The following KMT2A variants were observed in gnomAD, a reference collection of about 807,000 sequenced individuals.
KMT2A encodes lysine methyltransferase 2A.
Under a neutral mutation model 345.3 loss-of-function variants are expected in KMT2A, and 16 were observed. That is an observed-to-expected ratio of 0.05 (90% CI 0.03 to 0.07). The LOEUF is 0.07. KMT2A is among the 10% of genes least tolerant of loss of function. KMT2A has a pLI of 1.00. For synonymous variants in KMT2A, 1,599 were observed against 1,778.6 expected, an observed-to-expected ratio of 0.90 and a Z score of 2.54; for missense variants, 3,272 against 4,841.6, an observed-to-expected ratio of 0.68 and a Z score of 9.62.
chr11:118,520,557 A>G lies in KMT2A; in HGVS notation c.11430-245A>G. ...TCCCACCTACTCAGCAGGCTGAGGC[A>G]AGAGAATCGCTTGAACCCAGGAGGC... On this transcript the variant is annotated intron_variant, in intron 33 of 35. Transcript: ENST00000534358. The surrounding 1 kb of genome is among the most constrained non-coding windows in gnomAD (Gnocchi z 4.3). 1 of 499,322 alleles carries G rather than the reference A, an allele frequency of 2.0e-6. No individual in the cohort carries two copies. Among genetic ancestry groups the G allele is most frequent in the Non-Finnish European group, 3.6e-6 (1 of 276,086 alleles). 30.9% of individuals were successfully genotyped at this position (499,322 alleles called of 1,614,324 possible).
chr11:118,507,485 T>G (rs1306818271), intron 27 of KMT2A, 44 bp from the exon 28 acceptor site: 1 of 1,538,024 alleles, frequency 6.5e-7, no homozygotes, highest in Admixed American at 1.7e-5. Context: ...AGTACATATT[T>G]ACTGGTGGTT....
intron 1 of KMT2A, among the ~76,000 whole-genome samples, chr11:118,453,792 T>C (rs1464826247): frequency 6.6e-6 from 1 of 152,224 alleles, no homozygotes; most frequent in East Asian, 1.9e-4. Context: ...GTATTCCCAT[T>C]TCATAGGCAA....
chr11:118,505,744 T>C lies in KMT2A; in HGVS notation c.9852T>C (p.Thr3284=). Residue 3284 remains threonine (T), a synonymous_variant, in exon 27 of 36, where the codon ACT becomes ACC. Transcript: ENST00000534358. This position sits in a 1 kb window ranked among gnomAD's most constrained non-coding sequence, Gnocchi z 4.6. The stretch of plus-strand genomic sequence containing the variant: ...CACTTAATACTTCATCTCACCGAAC[T>C]GTCCCCAACATCATAAAAAGATCTA... The part of the protein sequence containing the change: ...LGSLNTSSHR[T]VPNIIKRSKS... 6.2e-7 allele frequency: 1 copy of C among 1,614,162 alleles called. No individual in the cohort carries two copies. Among genetic ancestry groups the C allele is most frequent in the Admixed American group, 1.7e-5 (1 of 60,006 alleles).
intron 31 of KMT2A, among the ~76,000 whole-genome samples, chr11:118,516,756 T>C (rs1950824350): frequency 6.6e-6 from 1 of 152,190 alleles, no homozygotes; most frequent in African/African-American, 2.4e-5. Context: ...TTGTTCCTTC[T>C]TAAGAGTTCC....
chr11:118,484,945 C>T lies in KMT2A; in HGVS notation c.4302C>T (p.Cys1434=). 1 of 1,613,174 alleles carries T rather than the reference C, an allele frequency of 6.2e-7. No individual in the cohort carries two copies. Among genetic ancestry groups the T allele is most frequent in the Non-Finnish European group, 8.5e-7 (1 of 1,179,316 alleles). Residue 1434 remains cysteine, a synonymous_variant, in exon 10 of 36, where the codon TGC becomes TGT. Coordinates refer to ENST00000534358, the MANE Select transcript of KMT2A (RefSeq NM_001197104.2). The surrounding 1 kb of genome is among the most constrained non-coding windows in gnomAD (Gnocchi z 4.1). ...TSVPITPRVV[C]FLCASSGHVE... ...TTCCTATAACACCCAGGGTGGTTTGCTTTCTCTGTGCCAGTAGTGGGCATG... is the reference window on the plus strand; with the variant it reads ...TTCCTATAACACCCAGGGTGGTTTGTTTTCTCTGTGCCAGTAGTGGGCATG...
At chr11:118,468,017 T>A (rs1353080061) in intron 1 of KMT2A, among the ~76,000 whole-genome samples, 3 of 152,184 alleles carry the variant, frequency 2.0e-5, no homozygotes, top group Non-Finnish European at 4.4e-5. Context: ...CTTTTTTTTT[T>A]TATAGAGCAG....
Position 118,504,423 on chromosome 11 carries a change from G to A in KMT2A, c.8531G>A (p.Cys2844Tyr), listed in dbSNP as rs1555047259. 1.2e-6 allele frequency: 2 copies of A among 1,614,138 alleles called. No individual in the cohort carries two copies. Among genetic ancestry groups the A allele is most frequent in the Admixed American group, 1.7e-5 (1 of 60,016 alleles). The change falls in exon 27 of 36, where the codon TGT (cysteine) becomes TAT (tyrosine). Residue 2844 changes from cysteine (C) to tyrosine (Y), a missense_variant. This residue lies in a region of KMT2A where 9 missense variants were observed against 20.3 expected (regional missense o/e 0.44). Coordinates refer to ENST00000534358, the MANE Select transcript of KMT2A (RefSeq NM_001197104.2). The surrounding 1 kb of genome is among the most constrained non-coding windows in gnomAD (Gnocchi z 6.4). ...TCAGACAATAACAACAGTGATGACT[G>A]TGGGAATATCCTGCCTTCAGACATT... is the stretch of plus-strand genomic sequence containing the variant. The part of the protein sequence containing the change: ...SDSDNNNSDD[C>Y]GNILPSDIMD...
chr11:118,478,088 G>C lies in KMT2A; in HGVS notation c.3456G>C (p.Ser1152=), dbSNP rs782465215. The change falls in exon 5 of 36, where the codon TCG becomes TCC. Residue 1152 remains serine (S), a synonymous_variant. Transcript: ENST00000534358. The stretch of plus-strand genomic sequence containing the variant: ...CTCCAGTAAAGAAAGGACGTCGATC[G>C]AGGCGGTGTGGGCAGTGTCCCGGCT... ...QEPPVKKGRR[S]RRCGQCPGCQ... The C allele has an allele frequency of 1.2e-6, 2 of 1,614,130 alleles. No homozygotes were observed. The highest frequency in any genetic ancestry group is 1.7e-6 in the Non-Finnish European group (2 of 1,180,026).
At chr11:118,439,092 C>G (rs1555139511) in intron 1 of KMT2A, 1 of 509,900 alleles carries the variant, frequency 2.0e-6, no homozygotes. Context: ...CTGAACCGTT[C>G]AGGTTACTTG....
At chr11:118,444,268 A>G (rs922933080) in intron 1 of KMT2A, among the ~76,000 whole-genome samples, 28 of 152,358 alleles carry the variant, frequency 1.8e-4, no homozygotes, top group African/African-American at 6.7e-4. Context: ...AGGATTGACC[A>G]CTTTTTAGAT....
At position 118,476,873 on chromosome 11, in the gene KMT2A, A is replaced by C; in HGVS notation, c.3225A>C (p.Ala1075=). Residue 1075 remains alanine (A), a synonymous_variant, in exon 4 of 36, where the codon GCA becomes GCC. Coordinates refer to ENST00000534358, the MANE Select transcript of KMT2A (RefSeq NM_001197104.2). This position sits in a 1 kb window ranked among gnomAD's most constrained non-coding sequence, Gnocchi z 4.1. ...GGATTAAACATGTCTGCAGAAGAGCAGCTGTTGCCCTTGGCCGAAAACGAG... is the reference window on the plus strand; with the variant it reads ...GGATTAAACATGTCTGCAGAAGAGCCGCTGTTGCCCTTGGCCGAAAACGAG... ...GPRIKHVCRR[A]AVALGRKRAV... is the part of the protein sequence containing the mutation. 1.2e-6 allele frequency: 2 copies of C among 1,614,242 alleles called. No individual in the cohort carries two copies. Among genetic ancestry groups the C allele is most frequent in the Non-Finnish European group, 1.7e-6 (2 of 1,180,030 alleles).
chr11:118,463,124 A>AC lies in KMT2A; in HGVS notation c.433-5651_433-5650insC, dbSNP rs1555033206. On this transcript the variant is annotated intron_variant, in intron 1 of 35. Coordinates refer to ENST00000534358, the MANE Select transcript of KMT2A (RefSeq NM_001197104.2). ...GTGTGTATCTCTTACATTTATCTTT[A>AC]TTTTTTTTTTTTAAATAAAGATGGG... Among the ~76,000 whole-genome samples the AC allele has an allele frequency of 2.4e-3, 354 of 146,626 alleles. 1 individual carries two copies. The highest frequency in any genetic ancestry group is 8.5e-3 in the African/African-American group (339 of 39,830).
At chr11:118,448,644 A>G (rs1178770728) in intron 1 of KMT2A, 1 of 152,178 alleles carries the variant, frequency 6.6e-6, no homozygotes, top group African/African-American at 2.4e-5. Flanking sequence ...TGAATTTCCT[A>G]CTGGAATTGT....
At position 118,473,720 on chromosome 11, in the gene KMT2A, C is replaced by A. The variant is rs377416766; in HGVS notation, c.2561C>A (p.Ala854Asp). ...GAAAGAGGGAGAAATAAAGACAAGG[C>A]CCCCGAGGAGCTGTCCAAAGATCGA... ...QTERGRNKDK[A>D]PEELSKDRDA... The change falls in exon 3 of 36, where the codon GCC becomes GAC. Residue 854 changes from alanine (A) to aspartate (D), a missense_variant. This residue lies in a region of KMT2A where 209 missense variants were observed against 237.4 expected (regional missense o/e 0.88). Transcript: ENST00000534358. This position sits in a 1 kb window ranked among gnomAD's most constrained non-coding sequence, Gnocchi z 5.2. 2 of 1,614,030 alleles carry A rather than the reference C, an allele frequency of 1.2e-6. No individual in the cohort carries two copies. The highest frequency in any genetic ancestry group is 1.1e-5 in the South Asian group (1 of 91,074).
rs782255667 is a variant in KMT2A, at chr11:118,506,431, C to A, written c.10539C>A (p.Thr3513=). Reference sequence around the variant, plus strand: ...CCTCAGCTGTGCAAGCCAGCCCCACCTCTCCTGGGGGTTCTCCATCCTCTC... The same window carrying A: ...CCTCAGCTGTGCAAGCCAGCCCCACATCTCCTGGGGGTTCTCCATCCTCTC... The part of the protein sequence containing the change: ...ALSSAVQASP[T]SPGGSPSSPS... Residue 3513 remains threonine (T), a synonymous_variant, in exon 27 of 36, where the codon ACC becomes ACA. Transcript: ENST00000534358. 1 of 1,614,210 alleles carries A rather than the reference C, an allele frequency of 6.2e-7. No homozygotes were observed. The highest frequency in any genetic ancestry group is 2.2e-5 in the East Asian group (1 of 44,888).
In KMT2A at chr11:118,481,739, C is replaced by T. The variant is rs782433790; in HGVS notation, c.3659C>T (p.Ser1220Phe). The change falls in exon 7 of 36, where the codon TCT (serine) becomes TTT (phenylalanine). Residue 1220 changes from serine to phenylalanine, a missense_variant. Transcript: ENST00000534358. ...GCTGTGAAAAAGAAAGAGAAAAAGT[C>T]TAAGACCAGTGAAAAGAAAGACAGC... is the stretch of plus-strand genomic sequence containing the variant. ...AKAVKKKEKK[S>F]KTSEKKDSKE... 2 of 1,613,190 alleles carry T rather than the reference C, an allele frequency of 1.2e-6. No homozygotes were observed.
intron 31 of KMT2A, among the ~76,000 whole-genome samples, chr11:118,514,870 T>C (rs1210959887): frequency 1.3e-5 from 2 of 152,112 alleles, no homozygotes; most frequent in African/African-American, 4.8e-5. Context: ...TGACCTCAGG[T>C]AATCTGCCCG....
rs1950525040 is a variant in KMT2A at position 118,502,988 on chromosome 11, G to A, written c.7096G>A (p.Glu2366Lys). The change falls in exon 27 of 36, where the codon GAG becomes AAG. Residue 2366 changes from glutamate (E) to lysine (K), a missense_variant. Transcript: ENST00000534358. The surrounding 1 kb of genome is among the most constrained non-coding windows in gnomAD (Gnocchi z 4.9). ...EPSSVSFSSK[E>K]ALSFPHLHLR... ...CTCTTCAGTGTCGTTTTCTTCTAAA[G>A]AGGCCCTCTCCTTCCCACACCTCCA... 6.2e-7 allele frequency: 1 copy of A among 1,613,820 alleles called. No individual in the cohort carries two copies. Among genetic ancestry groups the A allele is most frequent in the Admixed American group, 1.7e-5 (1 of 59,994 alleles).
In KMT2A at chr11:118,491,385, C is replaced by T. The variant is rs879948316; in HGVS notation, c.4819+67C>T. ...ACTACATTTATTAGCCTCTAGAGCA[C>T]TTTAAACCTAAAATTATGGTTGTGT... On this transcript the variant is annotated intron_variant, in intron 14 of 35. Transcript: ENST00000534358. This position sits in a 1 kb window ranked among gnomAD's most constrained non-coding sequence, Gnocchi z 4.2. 9.7e-6 allele frequency: 14 copies of T among 1,449,520 alleles called. No individual in the cohort carries two copies. The South Asian group carries it at 1.6e-4, about 16-fold the overall frequency. 89.8% of individuals were successfully genotyped at this position (1,449,520 alleles called of 1,614,324 possible).
Sources: gnomAD v4.1 joint callset for allele counts (sites outside exome capture counted in the v4.1 genomes callset) on GRCh38, gnomAD v4.1.1 for gene constraint, gnomAD v4.1.1 regional missense constraint, Gnocchi (gnomAD v3.1) non-coding constraint, MANE v1.5 for transcripts, NCBI Gene and HGNC (gene_info 2026-07-23, HGNC 2026-07-21) for gene names.